The following AGBL1 variants were observed in gnomAD, a reference collection of about 807,000 sequenced individuals.
The protein encoded by AGBL1 is cytosolic carboxypeptidase 4.
Under a neutral mutation model 118.9 loss-of-function variants are expected in AGBL1, and 130 were observed. The observed-to-expected ratio is 1.09, with a 90% CI of 0.95 to 1.26. The LOEUF is 1.26. Among genes scored for constraint, AGBL1 ranks in the 50% most tolerant of loss-of-function variants. The pLI is 0.00. For synonymous variants in AGBL1, 555 were observed against 478.9 expected, an observed-to-expected ratio of 1.16 and a Z score of -2.08; for missense variants, 1,584 against 1,298.1, an observed-to-expected ratio of 1.22 and a Z score of -3.38.
chr15:86,475,238 C>T lies in AGBL1; in HGVS notation c.2556-47572C>T, dbSNP rs190732244. 1.0e-3 allele frequency among the ~76,000 whole-genome samples: 159 copies of T among 152,234 alleles called. 3 individuals are homozygous for T. The Middle Eastern group carries it at 0.014, about 13-fold the overall frequency. Reference sequence around the variant, plus strand: ...AGATGGACAGAGAATGACTTTGACGCGCTGAGAGAAGAAGGCTTCAGACGA... The same window carrying T: ...AGATGGACAGAGAATGACTTTGACGTGCTGAGAGAAGAAGGCTTCAGACGA... On this transcript the variant is annotated intron_variant, in intron 18 of 22. Transcript: ENST00000614907.
chr15:86,886,247 A>G (rs947438288), intron 22 of AGBL1, among the ~76,000 whole-genome samples: 1 of 152,244 alleles, frequency 6.6e-6, no homozygotes, highest in African/African-American at 2.4e-5. Context: ...ATATTTGCCT[A>G]TGGCAAGTGT....
intron 17 of AGBL1, among the ~76,000 whole-genome samples, chr15:86,319,572 G>T (rs888634355): frequency 6.6e-6 from 1 of 151,606 alleles, no homozygotes; most frequent in Non-Finnish European, 1.5e-5. Flanking sequence ...CAATTCTGAC[G>T]TAAATCATGT....
At chr15:86,136,906 ACTCCCTGAGT>A (rs1220818190) in intron 1 of AGBL1, among the ~76,000 whole-genome samples, 2 of 152,116 alleles carry the variant, frequency 1.3e-5, no homozygotes, top group African/African-American at 4.8e-5. Context: ...TCCAACTCCA[ACTCCCTGAGT>A]CTCCCTGAAA....
intron 18 of AGBL1, among the ~76,000 whole-genome samples, chr15:86,402,793 A>G (rs1158176536): frequency 6.6e-6 from 1 of 152,172 alleles, no homozygotes; most frequent in Admixed American, 6.6e-5. Flanking sequence ...ATTTCCCAGC[A>G]AAATTTAGGG....
chr15:86,209,367 C>T (rs142817958), intron 5 of AGBL1, among the ~76,000 whole-genome samples: 4,681 of 152,080 alleles, frequency 0.031, 112 homozygotes, highest in South Asian at 0.078. Context: ...GTCCTGGATA[C>T]CCTTGTTAAC....
chr15:86,224,200 C>T (rs2078323458), intron 5 of AGBL1, among the ~76,000 whole-genome samples: 1 of 152,112 alleles, frequency 6.6e-6, no homozygotes, highest in African/African-American at 2.4e-5. Context: ...GCCCTCAATG[C>T]CAGTGAAGTT....
At chr15:86,523,448 C>A (rs1710208519) in intron 19 of AGBL1, among the ~76,000 whole-genome samples, 2 of 152,096 alleles carry the variant, frequency 1.3e-5, no homozygotes, top group African/African-American at 4.8e-5. Flanking sequence ...GACCCTGTTT[C>A]CAAGTAAGGT....
At chr15:86,425,901 T>C (rs1031191793) in intron 18 of AGBL1, among the ~76,000 whole-genome samples, 3 of 152,146 alleles carry the variant, frequency 2.0e-5, no homozygotes, top group Non-Finnish European at 2.9e-5. Flanking sequence ...TGTGGAGAGA[T>C]CTTTGTCCGT....
intron 18 of AGBL1, among the ~76,000 whole-genome samples, chr15:86,502,076 G>A (rs1191520489): frequency 6.6e-6 from 1 of 151,496 alleles, no homozygotes; most frequent in Non-Finnish European, 1.5e-5. Flanking sequence ...CATGAGTACA[G>A]GATATCTTAC....
intron 24 of AGBL1, among the ~76,000 whole-genome samples, chr15:87,010,619 C>T (rs951839733): frequency 9.9e-5 from 15 of 152,188 alleles, no homozygotes; most frequent in African/African-American, 2.9e-4. Flanking sequence ...GCGCCATTCC[C>T]CTGCTCCCCA....
At chr15:86,593,545 A>G (rs2084366667) in intron 21 of AGBL1, among the ~76,000 whole-genome samples, 1 of 152,060 alleles carries the variant, frequency 6.6e-6, no homozygotes, top group African/African-American at 2.4e-5. Flanking sequence ...GAGACTCATT[A>G]TTTTTCTGCA....
chr15:86,879,172 G>A (rs1299836811), intron 22 of AGBL1, among the ~76,000 whole-genome samples: 1 of 152,186 alleles, frequency 6.6e-6, no homozygotes, highest in Admixed American at 6.5e-5. Flanking sequence ...TCCTCTCTTT[G>A]GCCCTCATCT....
chr15:86,883,756 GATAA>G (rs1238042695), intron 22 of AGBL1, among the ~76,000 whole-genome samples: 1 of 152,072 alleles, frequency 6.6e-6, no homozygotes, highest in Non-Finnish European at 1.5e-5. Flanking sequence ...TTAATGAATA[GATAA>G]ATAAAATTTG....
chr15:86,896,591 G>C (rs936433675), intron 22 of AGBL1, among the ~76,000 whole-genome samples: 1 of 151,884 alleles, frequency 6.6e-6, no homozygotes, highest in African/African-American at 2.4e-5. Flanking sequence ...TTGTTGCGTT[G>C]CTAACATTAC....
intron 24 of AGBL1, among the ~76,000 whole-genome samples, chr15:87,019,193 A>ACAT (rs2081637726): frequency 2.0e-5 from 3 of 151,812 alleles, no homozygotes; most frequent in African/African-American, 7.2e-5. Context: ...CACTCCATGG[A>ACAT]CGTTATTAGA....
intron 11 of AGBL1, 74 bp from the exon 12 acceptor site, chr15:86,266,300 C>A: frequency 8.8e-7 from 1 of 1,138,476 alleles, no homozygotes; most frequent in Non-Finnish European, 1.2e-6. Flanking sequence ...CAAAGTTCTT[C>A]CCAGGTGATC....
chr15:86,772,290 C>T (rs2078193121), intron 22 of AGBL1, among the ~76,000 whole-genome samples: 1 of 152,034 alleles, frequency 6.6e-6, no homozygotes, highest in South Asian at 2.1e-4. Flanking sequence ...GCCACAGTAG[C>T]TGTTATAGAA....
intron 18 of AGBL1, among the ~76,000 whole-genome samples, chr15:86,494,331 C>A (rs2082820247): frequency 6.6e-6 from 1 of 152,048 alleles, no homozygotes; most frequent in South Asian, 2.1e-4. Context: ...ATGGTTACAG[C>A]TAATCTCCTC....
At chr15:86,385,551 C>G (rs2081172075) in intron 17 of AGBL1, among the ~76,000 whole-genome samples, 1 of 152,232 alleles carries the variant, frequency 6.6e-6, no homozygotes, top group African/African-American at 2.4e-5. Flanking sequence ...AATTATTTTA[C>G]TTCCCATAAA....
Sources: allele counts gnomAD v4.1 joint callset (sites outside exome capture counted in the v4.1 genomes callset), GRCh38; gene constraint gnomAD v4.1.1; transcripts MANE v1.5; gene names NCBI Gene and HGNC (gene_info 2026-07-23, HGNC 2026-07-21).